The following NRBP1 variants were observed in gnomAD, a reference collection of about 807,000 sequenced individuals.
NRBP1 encodes nuclear receptor binding protein 1, also known as nuclear receptor-binding protein.
In NRBP1, 10 loss-of-function variants were observed where a neutral mutation model predicts 76.0. That is an observed-to-expected ratio of 0.13 (90% confidence interval 0.08 to 0.22). The LOEUF is 0.22. Ranked by LOEUF, NRBP1 falls within the 10% of genes least tolerant of loss-of-function variation. NRBP1 has a pLI of 1.00. For missense variants in NRBP1, 344 were observed against 646.0 expected, an observed-to-expected ratio of 0.53 and a Z score of 5.07; for synonymous variants, 235 against 240.2, an observed-to-expected ratio of 0.98 and a Z score of 0.20.
chr2:27,441,517 C>T, intron 16 of NRBP1, 50 bp from the exon 17 acceptor site: 1 of 1,596,718 alleles, frequency 6.3e-7, no homozygotes, highest in Non-Finnish European at 8.6e-7. Context: ...TGAAGGGCCC[C>T]AGGTCCCTCA....
chr2:27,430,248 C>T (rs1558332467), intron 1 of NRBP1, among the ~76,000 whole-genome samples: 2 of 152,084 alleles, frequency 1.3e-5, no homozygotes, highest in Non-Finnish European at 2.9e-5. Flanking sequence ...CTGCCTATTG[C>T]TCTTTGGTAT....
At chr2:27,433,867 A>C in intron 3 of NRBP1, 72 bp downstream of exon 3, 3 of 1,611,502 alleles carry the variant, frequency 1.9e-6, no homozygotes, top group Non-Finnish European at 2.5e-6. Context: ...TGGTGTTGGG[A>C]AGCTGCCCGT....
upstream of NRBP1, chr2:27,428,092 A>G (rs1156398281): frequency 6.6e-6 from 1 of 152,246 alleles, no homozygotes; most frequent in African/African-American, 2.4e-5. Context: ...ATGAGGATCA[A>G]ATGAAATAAC....
Position 27,442,158 on chromosome 2 carries a change from C to T in NRBP1, c.*346C>T. On this transcript the variant is annotated 3_prime_UTR_variant, in exon 18 of 18. Transcript: ENST00000379852. Reference sequence around the variant, plus strand: ...GCCGAATTCTACAATCCCGCTGGGGCGGCCGGGGCGGGAGAGAAAGGTGGT... The same window carrying T: ...GCCGAATTCTACAATCCCGCTGGGGTGGCCGGGGCGGGAGAGAAAGGTGGT... 1.9e-6 allele frequency: 1 copy of T among 529,496 alleles called. No homozygotes were observed. Among genetic ancestry groups the T allele is most frequent in the Non-Finnish European group, 3.3e-6 (1 of 303,272 alleles). The allele number at this position is 529,496 out of a possible 1,614,324, so 32.8% of individuals were successfully genotyped here. A position where few individuals can be genotyped will look rare whatever the true frequency, so the allele number is the denominator to read the frequency against.
In NRBP1 at chr2:27,442,168, G is replaced by A; in HGVS notation, c.*356G>A. 3.8e-6 allele frequency: 2 copies of A among 531,658 alleles called. No homozygotes were observed. The allele number at this position is 531,658 out of a possible 1,614,324, so 32.9% of individuals were successfully genotyped here. A position where few individuals can be genotyped will look rare whatever the true frequency, so the allele number is the denominator to read the frequency against. Reference sequence around the variant, plus strand: ...ACAATCCCGCTGGGGCGGCCGGGGCGGGAGAGAAAGGTGGTGCTGCAGTGG... The same window carrying A: ...ACAATCCCGCTGGGGCGGCCGGGGCAGGAGAGAAAGGTGGTGCTGCAGTGG... On this transcript the variant is annotated 3_prime_UTR_variant, in exon 18 of 18. Transcript: ENST00000379852.
At chr2:27,431,114 C>T (rs999447272) in intron 1 of NRBP1, among the ~76,000 whole-genome samples, 2 of 152,076 alleles carry the variant, frequency 1.3e-5, no homozygotes, top group African/African-American at 4.8e-5. Context: ...TCCTGGCTAA[C>T]ACGGTGAAAC....
chr2:27,438,947 A>G (rs571624983), intron 10 of NRBP1, among the ~76,000 whole-genome samples: 2 of 152,280 alleles, frequency 1.3e-5, no homozygotes, highest in South Asian at 4.1e-4. Flanking sequence ...TGGCACAGCA[A>G]GACCCTGTCT....
rs202226430 is a variant in NRBP1, at chr2:27,441,699, C to G, written c.1504-9C>G. ...TCAGCCCCCATCTTACTGAGCTCTTCTCCCCCAGGCTGACCAGAGCCGGTT... is the reference window on the plus strand; with the variant it reads ...TCAGCCCCCATCTTACTGAGCTCTTGTCCCCCAGGCTGACCAGAGCCGGTT... On this transcript the variant is annotated splice_polypyrimidine_tract_variant and intron_variant, in intron 17 of 17. Coordinates refer to ENST00000379852, the MANE Select transcript of NRBP1 (RefSeq NM_013392.4). 1.2e-6 allele frequency: 2 copies of G among 1,612,428 alleles called. No individual in the cohort carries two copies. The highest frequency in any genetic ancestry group is 1.7e-6 in the Non-Finnish European group (2 of 1,178,630).
In NRBP1 at chr2:27,437,248, C is replaced by A; in HGVS notation, c.805-14C>A. Reference sequence around the variant, plus strand: ...TTAGGTGTCTACTTTTTTTTTTATTCTTCCTCACTGAAGATGGCAGTGCTG... The same window carrying A: ...TTAGGTGTCTACTTTTTTTTTTATTATTCCTCACTGAAGATGGCAGTGCTG... On this transcript the variant is annotated splice_polypyrimidine_tract_variant and intron_variant, in intron 9 of 17. Coordinates refer to ENST00000379852, the MANE Select transcript of NRBP1 (RefSeq NM_013392.4). 3 of 1,598,616 alleles carry A rather than the reference C, an allele frequency of 1.9e-6. No homozygotes were observed. The highest frequency in any genetic ancestry group is 1.7e-6 in the Non-Finnish European group (2 of 1,171,376).
At chr2:27,440,025 T>C in intron 11 of NRBP1, 127 bp downstream of exon 11, 1 of 554,218 alleles carries the variant, frequency 1.8e-6, no homozygotes, top group Non-Finnish European at 2.5e-6. Context: ...TTTTTTTTTT[T>C]TTTTTTGAGA....
chr2:27,441,947 G>T lies in NRBP1; in HGVS notation c.*135G>T, dbSNP rs923334140. The T allele has an allele frequency of 4.7e-6, 3 of 644,530 alleles. No individual in the cohort carries two copies. Among genetic ancestry groups the T allele is most frequent in the South Asian group, 1.9e-5 (1 of 52,636 alleles). 39.9% of individuals were successfully genotyped at this position (644,530 alleles called of 1,614,324 possible). A position where few individuals can be genotyped will look rare whatever the true frequency, so the allele number is the denominator to read the frequency against. ...TTTATTATTCAGGAGGGCTGGGGGG[G>T]CTCCCTGGTTCTGAGCATCATCCTT... On this transcript the variant is annotated 3_prime_UTR_variant, in exon 18 of 18. Transcript: ENST00000379852.
rs1471433727 is a variant in NRBP1 at position 27,434,570 on chromosome 2, G to C, written c.525+10G>C. 4 of 1,612,370 alleles carry C rather than the reference G, an allele frequency of 2.5e-6. No individual in the cohort carries two copies. The highest frequency in any genetic ancestry group is 3.4e-6 in the Non-Finnish European group (4 of 1,178,554). On this transcript the variant is annotated intron_variant, in intron 5 of 17. Coordinates refer to ENST00000379852, the MANE Select transcript of NRBP1 (RefSeq NM_013392.4). ...GACGATGAATGAAAAGGTATAGAAG[G>C]AGAGCAGACAAAGTTTGAGGCTGGT...
At chr2:27,428,580 C>A (rs1572682066), upstream of NRBP1, 2 of 397,196 alleles carry the variant, frequency 5.0e-6, no homozygotes, top group Non-Finnish European at 8.9e-6. Context: ...GCCGGCGGTG[C>A]GGCACCGCCC....
chr2:27,433,654 C>A lies in NRBP1; in HGVS notation c.211-19C>A. Reference sequence around the variant, plus strand: ...TTGTGAGATAAGTTTAATTCTCTTTCATATGAATTTCTTCTCAGGTGAATC... The same window carrying A: ...TTGTGAGATAAGTTTAATTCTCTTTAATATGAATTTCTTCTCAGGTGAATC... On this transcript the variant is annotated intron_variant, in intron 2 of 17. Coordinates refer to ENST00000379852, the MANE Select transcript of NRBP1 (RefSeq NM_013392.4). The A allele has an allele frequency of 1.2e-6, 2 of 1,613,888 alleles. No homozygotes were observed. Among genetic ancestry groups the A allele is most frequent in the Non-Finnish European group, 1.7e-6 (2 of 1,179,882 alleles).
Position 27,440,798 on chromosome 2 carries a change from C to T in NRBP1, c.1194-7C>T. 6.2e-7 allele frequency: 1 copy of T among 1,614,078 alleles called. No individual in the cohort carries two copies. Among genetic ancestry groups the T allele is most frequent in the Non-Finnish European group, 8.5e-7 (1 of 1,180,026 alleles). On this transcript the variant is annotated splice_region_variant and splice_polypyrimidine_tract_variant and intron_variant, in intron 13 of 17. Coordinates refer to ENST00000379852, the MANE Select transcript of NRBP1 (RefSeq NM_013392.4). The stretch of plus-strand genomic sequence containing the variant: ...AGCCCATGTGACCTGTCTTCATCTC[C>T]CTCCAGGAATGGGATCTATCCTCTG...
rs1341444077 is a variant in NRBP1, at chr2:27,442,199, C to T, written c.*387C>T. ...GAAAGGTGGTGCTGCAGTGGTGGCC[C>T]TGGGGGGCCATTCGATTCGCCTCAG... is the stretch of plus-strand genomic sequence containing the variant. On this transcript the variant is annotated 3_prime_UTR_variant, in exon 18 of 18. Coordinates refer to ENST00000379852, the MANE Select transcript of NRBP1 (RefSeq NM_013392.4). The T allele has an allele frequency of 3.7e-6, 2 of 543,466 alleles. No homozygotes were observed. The highest frequency in any genetic ancestry group is 6.4e-6 in the Non-Finnish European group (2 of 313,880). 33.7% of individuals were successfully genotyped at this position (543,466 alleles called of 1,614,324 possible).
chr2:27,440,293 G>T, intron 11 of NRBP1, 110 bp from the exon 12 acceptor site: 1 of 771,064 alleles, frequency 1.3e-6, no homozygotes, highest in South Asian at 1.6e-5. Flanking sequence ...ACAGGCATGA[G>T]CCACTGTGCC....
rs571873487 is a variant in NRBP1 at position 27,428,947 on chromosome 2, T to A, written c.-21+216T>A. Among the ~76,000 whole-genome samples, 75 of 151,454 alleles carry A rather than the reference T, an allele frequency of 5.0e-4. 2 individuals carry two copies. The South Asian group carries it at 0.015, about 31-fold the overall frequency. The stretch of plus-strand genomic sequence containing the variant: ...CTTAGCCCTCCCTGGCGTCTCTGGC[T>A]TGGCGGCGGCGCCCCGGGATTCTGC... On this transcript the variant is annotated intron_variant, in intron 1 of 17. Coordinates refer to ENST00000379852, the MANE Select transcript of NRBP1 (RefSeq NM_013392.4).
chr2:27,427,959 C>G (rs1023490511), upstream of NRBP1: 4 of 152,178 alleles, frequency 2.6e-5, no homozygotes, highest in African/African-American at 9.7e-5. Flanking sequence ...ATGAAATTTA[C>G]TGTTTCGGAT....
Sources: gnomAD v4.1 joint callset for allele counts (sites outside exome capture counted in the v4.1 genomes callset) on GRCh38, gnomAD v4.1.1 for gene constraint, MANE v1.5 for transcripts, NCBI Gene and HGNC (gene_info 2026-07-23, HGNC 2026-07-21) for gene names.